The following KIF15 variants were observed in gnomAD, a reference collection of about 807,000 sequenced individuals.
KIF15 encodes the protein kinesin-like protein KIF15.
A neutral mutation model predicts 190.6 loss-of-function variants in KIF15; 140 were observed. The ratio of observed to expected loss-of-function variants is 0.73; its 90% CI spans 0.64 to 0.84. The LOEUF (loss-of-function observed/expected upper bound fraction) is 0.84. Ranked by LOEUF, KIF15 falls within the 40% of genes least tolerant of loss-of-function variation. The probability of loss-of-function intolerance (pLI) is 0.00; values close to 1 mark genes in which losing one functional copy is unlikely to be tolerated. For missense variants in KIF15, 1,372 were observed against 1,584.4 expected (o/e 0.87, Z 2.28); for synonymous variants, 528 against 551.3 (o/e 0.96, Z 0.59).
intron 1 of KIF15, 74 bp from the exon 2 acceptor site, chr3:44,774,321 A>G: frequency 2.2e-6 from 3 of 1,352,114 alleles, no homozygotes; most frequent in Non-Finnish European, 3.1e-6. Context: ...CAGGCAACCC[A>G]GGAACATGTT....
chr3:44,783,074 G>A (rs115584440), intron 5 of KIF15, among the ~76,000 whole-genome samples: 1 of 152,220 alleles, frequency 6.6e-6, no homozygotes, highest in Admixed American at 6.5e-5. Context: ...AGGGGATAGA[G>A]CGGGATTAGG....
chr3:44,864,298 A>G, intron 6 of KIF15: 1 of 1,614,204 alleles, frequency 6.2e-7, no homozygotes, highest in Non-Finnish European at 8.5e-7. Context: ...CCATGTCTTC[A>G]GCCATTGCAT....
chr3:44,829,610 ATT>A (rs1559575205), intron 24 of KIF15, among the ~76,000 whole-genome samples: 1 of 127,350 alleles, frequency 7.9e-6, no homozygotes, highest in African/African-American at 3.3e-5. Flanking sequence ...ATGCATATAT[ATT>A]ATATATGTAT....
chr3:44,862,867 G>C (rs1353381848), intron 6 of KIF15: 1 of 151,986 alleles, frequency 6.6e-6, no homozygotes. Flanking sequence ...TCCAGTAGTA[G>C]CTGCCATGCT....
intron 6 of KIF15, among the ~76,000 whole-genome samples, chr3:44,860,379 G>GT (rs5848713): frequency 0.019 from 2,922 of 150,886 alleles, 78 homozygotes; most frequent in African/African-American, 0.065. Context: ...AATTATCCGT[G>GT]TTTTTTTTTG....
intron 17 of KIF15, among the ~76,000 whole-genome samples, 174 bp from the exon 18 acceptor site, chr3:44,812,008 T>C (rs1373327357): frequency 1.3e-5 from 2 of 152,232 alleles, no homozygotes; most frequent in African/African-American, 4.8e-5. Context: ...TCATTTAGTA[T>C]ATAACCTTTT....
intron 1 of KIF15, 103 bp from the exon 2 acceptor site, chr3:44,774,292 C>A (rs760564326): frequency 5.5e-6 from 5 of 916,264 alleles, no homozygotes; most frequent in African/African-American, 1.7e-5. Flanking sequence ...AGTCAGGGAT[C>A]TGAGGAGGCT....
At position 44,838,291 on chromosome 3, in the gene KIF15, AG is replaced by A; in HGVS notation, c.3190del (p.Asp1064ThrfsTer9). 6.2e-7 allele frequency: 1 copy of A among 1,612,690 alleles called. No individual in the cohort carries two copies. The highest frequency in any genetic ancestry group is 2.2e-5 in the East Asian group (1 of 44,772). Reference sequence around the variant, plus strand: ...TCCTAACAGAGGGATATGCTCTGTGAGGACCTGGCTCATGCCACTGAGCAGC... The same window carrying A: ...TCCTAACAGAGGGATATGCTCTGTGAGACCTGGCTCATGCCACTGAGCAGC... Reference protein sequence around the residue: ...SEDIERDMLCEDLAHATEQLN... With the variant: ...SEDIERDMLCXDLAHATEQLN... On this transcript the variant is annotated frameshift_variant, in exon 27 of 35. Transcript: ENST00000326047. LOFTEE classifies it high-confidence loss of function.
At chr3:44,813,360 G>C (rs553421343) in intron 19 of KIF15, 180 bp downstream of exon 19, 2 of 446,724 alleles carry the variant, frequency 4.5e-6, no homozygotes, top group Non-Finnish European at 7.8e-6. Flanking sequence ...ATCATAAAAG[G>C]TAAATTTCTC....
Position 44,831,420 on chromosome 3 carries a change from C to T in KIF15, c.3171+402C>T, listed in dbSNP as rs773391619. On this transcript the variant is annotated intron_variant, in intron 26 of 34. Transcript: ENST00000326047. ...TATTTTATCTAGCTAATCTATTTTC[C>T]GTCATTTTTGCTGACACCACGTTAA... Among the ~76,000 whole-genome samples the T allele has an allele frequency of 2.0e-4, 30 of 151,972 alleles. 1 individual carries two copies. The highest frequency in any genetic ancestry group is 3.9e-4 in the Admixed American group (6 of 15,256).
At chr3:44,786,851 G>A (rs1444227645) in intron 7 of KIF15, among the ~76,000 whole-genome samples, 1 of 152,122 alleles carries the variant, frequency 6.6e-6, no homozygotes, top group African/African-American at 2.4e-5. Flanking sequence ...TTCCTCCTGG[G>A]AGATGCCTGT....
downstream of KIF15, among the ~76,000 whole-genome samples, chr3:44,856,550 G>A (rs1262789395): frequency 6.6e-6 from 1 of 152,192 alleles, no homozygotes; most frequent in Non-Finnish European, 1.5e-5. Context: ...TGTGGGGAGA[G>A]ACTGACAGGT....
chr3:44,812,574 A>T (rs1401773369), intron 18 of KIF15, among the ~76,000 whole-genome samples: 1 of 152,250 alleles, frequency 6.6e-6, no homozygotes, highest in Non-Finnish European at 1.5e-5. Context: ...TGTGTTTAGA[A>T]GAAACCAAGA....
intron 30 of KIF15, 86 bp downstream of exon 30, chr3:44,843,320 T>A (rs1015039396): frequency 1.3e-5 from 11 of 824,768 alleles, no homozygotes; most frequent in Non-Finnish European, 2.0e-5. Flanking sequence ...TTTCACAGGT[T>A]TCCCAAGGTG....
In KIF15 at chr3:44,775,156, C is replaced by G; in HGVS notation, c.63-98C>G. The G allele has an allele frequency of 1.1e-5, 10 of 938,786 alleles. No individual in the cohort carries two copies. In the South Asian group the frequency reaches 1.5e-4, roughly 14 times the overall value. 58.2% of individuals were successfully genotyped at this position (938,786 alleles called of 1,614,324 possible). ...TATGTCTTGGGCTTTGTTGGAGAAA[C>G]TCATTATAGAAACATTATAGGCAAT... is the stretch of plus-strand genomic sequence containing the variant. On this transcript the variant is annotated intron_variant, in intron 2 of 34. Transcript: ENST00000326047.
At chr3:44,813,461 A>T (rs2125661277) in intron 19 of KIF15, among the ~76,000 whole-genome samples, 1 of 152,318 alleles carries the variant, frequency 6.6e-6, no homozygotes, top group African/African-American at 2.4e-5. Context: ...TTTGTCACCC[A>T]GGCAGGAGTC....
intron 19 of KIF15, 152 bp downstream of exon 19, chr3:44,813,332 GGTAA>G (rs1412260761): frequency 6.1e-4 from 317 of 521,164 alleles, no homozygotes; most frequent in Non-Finnish European, 2.4e-4. Context: ...TGCATGCAGT[GGTAA>G]GTAACAGTAA....
intron 33 of KIF15, 89 bp downstream of exon 33, chr3:44,852,041 T>C: frequency 2.0e-6 from 3 of 1,480,868 alleles, no homozygotes; most frequent in Non-Finnish European, 2.7e-6. Flanking sequence ...TGATTGGGTG[T>C]CCTTAGTTCA....
At chr3:44,776,431 A>C (rs1160243463) in intron 3 of KIF15, among the ~76,000 whole-genome samples, 1 of 152,144 alleles carries the variant, frequency 6.6e-6, no homozygotes, top group Non-Finnish European at 1.5e-5. Flanking sequence ...CTTAAAAAAA[A>C]AAAAAAAAGA....
Sources: gnomAD v4.1 joint callset for allele counts (sites outside exome capture counted in the v4.1 genomes callset) on GRCh38, gnomAD v4.1.1 for gene constraint, MANE v1.5 for transcripts, NCBI Gene and HGNC (gene_info 2026-07-23, HGNC 2026-07-21) for gene names.